Variants in INSR observed in about 807,000 individuals in gnomAD.
The protein encoded by INSR is IR.
In INSR, 67 loss-of-function variants were observed where a neutral mutation model predicts 142.6. The observed-to-expected ratio is 0.47, with a 90% CI of 0.39 to 0.58. The LOEUF (loss-of-function observed/expected upper bound fraction) is 0.58, where lower values mean the gene tolerates loss of function less well. Ranked by LOEUF, INSR falls within the 20% of genes least tolerant of loss-of-function variation. The pLI is 0.00. For synonymous variants in INSR, 756 were observed against 743.1 expected (o/e 1.02, Z -0.28); for missense variants, 1,248 against 1,833.2 (o/e 0.68, Z 5.83).
rs1973712350 is a variant in INSR, at chr19:7,160,242, C to A, written c.2029+2790G>T. Among the ~76,000 whole-genome samples the A allele has an allele frequency of 5.3e-5, 8 of 152,196 alleles. No individual in the cohort carries two copies. In the South Asian group the frequency reaches 1.7e-3, roughly 32 times the overall value. ...CAAGCTCGGCTCATTGCAACCTCCACCTCCCGGGTTCAAGCGATTCTTCTG... is the reference window on the plus strand; with the variant it reads ...CAAGCTCGGCTCATTGCAACCTCCAACTCCCGGGTTCAAGCGATTCTTCTG... On this transcript the variant is annotated intron_variant, in intron 9 of 21. Coordinates refer to ENST00000302850, the MANE Select transcript of INSR (RefSeq NM_000208.4).
At chr19:7,281,337 A>C (rs532737265) in intron 1 of INSR, among the ~76,000 whole-genome samples, 3 of 150,718 alleles carry the variant, frequency 2.0e-5, no homozygotes, top group African/African-American at 7.3e-5. Flanking sequence ...ACAACAAACA[A>C]ACACACACAC....
Position 7,147,320 on chromosome 19 carries a change from G to A in INSR, c.2267+3177C>T, listed in dbSNP as rs34688709. Among the ~76,000 whole-genome samples the A allele has an allele frequency of 8.9e-3, 1,350 of 151,934 alleles. 12 individuals are homozygous for A. Among genetic ancestry groups the A allele is most frequent in the Non-Finnish European group, 0.016 (1,084 of 67,960 alleles). On this transcript the variant is annotated intron_variant, in intron 11 of 21. Coordinates refer to ENST00000302850, the MANE Select transcript of INSR (RefSeq NM_000208.4). ...CTCCTGAGTAGCTGGGACTACAGGCGCACGTTACCACATCTGGCTAATTTT... is the reference window on the plus strand; with the variant it reads ...CTCCTGAGTAGCTGGGACTACAGGCACACGTTACCACATCTGGCTAATTTT...
chr19:7,138,495 C>A (rs943770593), intron 13 of INSR, among the ~76,000 whole-genome samples: 3 of 152,122 alleles, frequency 2.0e-5, no homozygotes, highest in Non-Finnish European at 2.9e-5. Context: ...TCCTCAGCCT[C>A]CCAAGTAGAT....
chr19:7,153,874 A>G (rs2144901338), intron 9 of INSR, among the ~76,000 whole-genome samples: 1 of 152,020 alleles, frequency 6.6e-6, no homozygotes, highest in Middle Eastern at 3.4e-3. Context: ...TAAAATAACC[A>G]ATAAAAATAG....
intron 9 of INSR, among the ~76,000 whole-genome samples, chr19:7,162,424 T>C (rs570342774): frequency 2.7e-5 from 4 of 150,666 alleles, no homozygotes; most frequent in Non-Finnish European, 4.4e-5. Context: ...GGCAAGAGGA[T>C]TGCTTGAGCC....
At chr19:7,198,303 C>G (rs1358064411) in intron 2 of INSR, among the ~76,000 whole-genome samples, 1 of 151,786 alleles carries the variant, frequency 6.6e-6, no homozygotes, top group Non-Finnish European at 1.5e-5. Context: ...CAGACTGGCG[C>G]TCGGGCAGTG....
intron 2 of INSR, among the ~76,000 whole-genome samples, chr19:7,257,280 G>A (rs752994949): frequency 5.9e-5 from 9 of 151,870 alleles, no homozygotes; most frequent in Admixed American, 2.6e-4. Flanking sequence ...TTGGATCCCC[G>A]TGTGCAGGCG....
At chr19:7,143,998 T>C (rs1973132486) in intron 11 of INSR, among the ~76,000 whole-genome samples, 1 of 150,316 alleles carries the variant, frequency 6.7e-6, no homozygotes, top group Admixed American at 6.7e-5. Context: ...GAGGTTGCAG[T>C]GAGCTGAGAT....
At chr19:7,219,109 A>T (rs1196324374) in intron 2 of INSR, among the ~76,000 whole-genome samples, 2 of 152,208 alleles carry the variant, frequency 1.3e-5, no homozygotes, top group Non-Finnish European at 2.9e-5. Flanking sequence ...GGATTTAAAA[A>T]ACAAACAAAC....
At chr19:7,135,667 G>T (rs1397800931) in intron 13 of INSR, among the ~76,000 whole-genome samples, 1 of 147,240 alleles carries the variant, frequency 6.8e-6, no homozygotes, top group Admixed American at 6.8e-5. Flanking sequence ...ACTAGCAAAA[G>T]AAAAAAAAAA....
intron 17 of INSR, chr19:7,123,269 A>G (rs1030014940): frequency 1.5e-5 from 6 of 403,960 alleles, no homozygotes; most frequent in African/African-American, 1.2e-4. Context: ...CCCGGGTTCA[A>G]GCAATTCTCC....
At chr19:7,144,386 C>T (rs1973140756) in intron 11 of INSR, among the ~76,000 whole-genome samples, 1 of 152,034 alleles carries the variant, frequency 6.6e-6, no homozygotes, top group Non-Finnish European at 1.5e-5. Flanking sequence ...AGTCGTCACT[C>T]ACTTAACCAT....
intron 2 of INSR, among the ~76,000 whole-genome samples, chr19:7,219,593 G>A (rs1221888237): frequency 2.6e-5 from 3 of 116,372 alleles, no homozygotes; most frequent in African/African-American, 1.1e-4. Flanking sequence ...GGAAGAGAGA[G>A]AGAAGGAAGG....
intron 10 of INSR, chr19:7,152,389 AAAAAAG>A: frequency 2.9e-6 from 1 of 340,560 alleles, no homozygotes; most frequent in Non-Finnish European, 5.6e-6. Flanking sequence ...AAAAAAAAAA[AAAAAAG>A]AGAGAGAGAG....
chr19:7,149,899 A>G (rs1483483709), intron 11 of INSR, among the ~76,000 whole-genome samples: 1 of 82,680 alleles, frequency 1.2e-5, no homozygotes, highest in Non-Finnish European at 3.1e-5. Flanking sequence ...AAGAAAAGAA[A>G]AGAAAGAAGG....
chr19:7,170,899 G>A, intron 5 of INSR, 148 bp from the exon 6 acceptor site: 1 of 753,132 alleles, frequency 1.3e-6, no homozygotes, highest in African/African-American at 1.7e-5. Context: ...CATATTTGTT[G>A]AATGTGGATA....
intron 2 of INSR, among the ~76,000 whole-genome samples, chr19:7,248,888 T>G (rs1976619738): frequency 2.0e-5 from 3 of 150,670 alleles, no homozygotes; most frequent in Admixed American, 1.3e-4. Context: ...GCCTCCCACG[T>G]AGCTGGGACT....
intron 2 of INSR, among the ~76,000 whole-genome samples, chr19:7,188,548 CAAAA>C (rs150147242): frequency 8.2e-6 from 1 of 121,550 alleles, no homozygotes; most frequent in Non-Finnish European, 1.7e-5. Flanking sequence ...AGACTCCGTC[CAAAA>C]AAAAAAAAAA....
intron 2 of INSR, among the ~76,000 whole-genome samples, chr19:7,190,700 T>C (rs1301348430): frequency 6.6e-6 from 1 of 152,150 alleles, no homozygotes; most frequent in African/African-American, 2.4e-5. Context: ...TCGAACACTA[T>C]AAGCTCATTC....
Sources: gnomAD v4.1 joint callset for allele counts (sites outside exome capture counted in the v4.1 genomes callset) on GRCh38, gnomAD v4.1.1 for gene constraint, MANE v1.5 for transcripts, NCBI Gene and HGNC (gene_info 2026-07-23, HGNC 2026-07-21) for gene names.